The following TMOD1 variants were observed in gnomAD, a reference collection of about 807,000 sequenced individuals.
TMOD1 encodes tropomodulin-1.
A neutral mutation model predicts 40.6 loss-of-function variants in TMOD1; 17 were observed. That is an observed-to-expected ratio of 0.42 (90% CI 0.29 to 0.63). The LOEUF (loss-of-function observed/expected upper bound fraction) is 0.63, where lower values mean the gene tolerates loss of function less well. Among genes scored for constraint, TMOD1 ranks in the 20% least tolerant of loss-of-function variants. The probability of loss-of-function intolerance (pLI) is 0.22; values close to 1 mark genes in which losing one functional copy is unlikely to be tolerated. For missense variants in TMOD1, 391 were observed against 447.6 expected, an observed-to-expected ratio of 0.87 and a Z score of 1.14; for synonymous variants, 181 against 175.0, an observed-to-expected ratio of 1.03 and a Z score of -0.27.
intron 8 of TMOD1, among the ~76,000 whole-genome samples, chr9:97,580,642 A>G (rs369644022): frequency 6.9e-6 from 1 of 145,914 alleles, no homozygotes; most frequent in African/African-American, 2.5e-5. Context: ...GGAGGGAAGG[A>G]AGGGAGGGAG....
rs924177403 is a variant in TMOD1, at chr9:97,513,844, T to C, written c.-48-10297T>C. 1 of 152,200 alleles carries C rather than the reference T, an allele frequency of 6.6e-6. No individual in the cohort carries two copies. Among genetic ancestry groups the C allele is most frequent in the South Asian group, 2.1e-4 (1 of 4,832 alleles). The allele number at this position is 152,200 out of a possible 1,614,324, so 9.4% of individuals were successfully genotyped here. ...TTCTGCCATTGCACAGTGGCCCTAG[T>C]GTCCTCGAGACCCCGGGACTAGAAA... On this transcript the variant is annotated intron_variant, in intron 1 of 9. Transcript: ENST00000259365. This position sits in a 1 kb window ranked among gnomAD's most constrained non-coding sequence, Gnocchi z 4.1.
At chr9:97,533,748 G>A (rs150760168) in intron 2 of TMOD1, among the ~76,000 whole-genome samples, 70 of 152,338 alleles carry the variant, frequency 4.6e-4, no homozygotes, top group African/African-American at 1.3e-3. Context: ...CCAGTGCCCC[G>A]TCTGTGGCCT....
chr9:97,530,104 G>A (rs1830076129), intron 2 of TMOD1, among the ~76,000 whole-genome samples: 1 of 152,196 alleles, frequency 6.6e-6, no homozygotes, highest in Non-Finnish European at 1.5e-5. Flanking sequence ...GAAACTCAGA[G>A]AGCAGATTGG....
chr9:97,506,607 G>A (rs916322264), intron 1 of TMOD1, among the ~76,000 whole-genome samples: 2 of 152,176 alleles, frequency 1.3e-5, no homozygotes, highest in African/African-American at 2.4e-5. Flanking sequence ...ATCATGATAC[G>A]TAGCTAGTGT....
chr9:97,569,065 C>A, intron 8 of TMOD1, 28 bp downstream of exon 8: 1 of 1,611,122 alleles, frequency 6.2e-7, no homozygotes, highest in South Asian at 1.1e-5. Context: ...CTCCTCAGGT[C>A]TGTTACTACA....
chr9:97,565,152 G>A (rs1441374846), intron 6 of TMOD1, among the ~76,000 whole-genome samples: 1 of 152,228 alleles, frequency 6.6e-6, no homozygotes, highest in East Asian at 1.9e-4. Flanking sequence ...GGCCACATGA[G>A]GGATGGAATC....
At chr9:97,559,794 A>ATATATATAT (rs1554683057) in intron 4 of TMOD1, among the ~76,000 whole-genome samples, 14 of 23,144 alleles carry the variant, frequency 6.0e-4, no homozygotes, top group Non-Finnish European at 9.2e-4. Flanking sequence ...AAAAAAAAAA[A>ATATATATAT]ATATATATAT....
intron 4 of TMOD1, chr9:97,555,339 C>T: frequency 1.7e-6 from 2 of 1,190,594 alleles, no homozygotes; most frequent in Non-Finnish European, 2.1e-6. Flanking sequence ...CTGTTTTTAC[C>T]CTGGACTTTC....
At chr9:97,543,475 C>T (rs1171930650) in intron 2 of TMOD1, among the ~76,000 whole-genome samples, 1 of 152,216 alleles carries the variant, frequency 6.6e-6, no homozygotes, top group Admixed American at 6.5e-5. Flanking sequence ...CTGTGCTGAG[C>T]ACATTTTCTG....
intron 9 of TMOD1, among the ~76,000 whole-genome samples, chr9:97,595,533 C>CTTTTTT (rs71487335): frequency 2.5e-5 from 3 of 121,666 alleles, no homozygotes; most frequent in Non-Finnish European, 3.4e-5. Context: ...AACAAATTTC[C>CTTTTTT]TTTTTTTTTT....
At position 97,559,424 on chromosome 9, in the gene TMOD1, T is replaced by C. The variant is rs1433674607; in HGVS notation, c.398-3308T>C. ...AGGACTTTGAGATCATCTCATCTTG[T>C]GGTTTTCGACTCTCACTCAGCAACA... On this transcript the variant is annotated intron_variant, in intron 4 of 9. Coordinates refer to ENST00000259365, the MANE Select transcript of TMOD1 (RefSeq NM_003275.4). 4.6e-5 allele frequency among the ~76,000 whole-genome samples: 7 copies of C among 151,678 alleles called. No homozygotes were observed. In the South Asian group the frequency reaches 8.4e-4, roughly 18 times the overall value.
At chr9:97,580,822 C>T (rs1825733909) in intron 8 of TMOD1, among the ~76,000 whole-genome samples, 1 of 152,026 alleles carries the variant, frequency 6.6e-6, no homozygotes, top group Non-Finnish European at 1.5e-5. Context: ...TTCCTTCTGC[C>T]TCCTTAACCC....
At chr9:97,563,581 T>G (rs933851589) in intron 5 of TMOD1, among the ~76,000 whole-genome samples, 5 of 152,148 alleles carry the variant, frequency 3.3e-5, no homozygotes, top group African/African-American at 1.2e-4. Context: ...CAATATTGCA[T>G]TGCCTTAATT....
intron 2 of TMOD1, among the ~76,000 whole-genome samples, chr9:97,541,497 A>ATTTTTAT (rs539361335): frequency 7.3e-5 from 11 of 150,828 alleles, no homozygotes; most frequent in Middle Eastern, 3.4e-3. Context: ...CCACTTGACC[A>ATTTTTAT]TTTTTATTTT....
chr9:97,534,937 A>G (rs945410358), intron 2 of TMOD1, among the ~76,000 whole-genome samples: 5 of 152,314 alleles, frequency 3.3e-5, no homozygotes, highest in African/African-American at 1.2e-4. Context: ...TCCAGGTGGA[A>G]GGCACAGCCT....
intron 1 of TMOD1, among the ~76,000 whole-genome samples, chr9:97,520,924 C>G (rs920182867): frequency 6.6e-6 from 1 of 152,206 alleles, no homozygotes; most frequent in African/African-American, 2.4e-5. Flanking sequence ...TTTCTTTCTC[C>G]CCTGCTCCCT....
rs940168392 is a variant in TMOD1 at position 97,557,283 on chromosome 9, G to A, written c.397+3883G>A. ...TTCTTGGCGCATAGCCTACAGGGTT[G>A]TAGGTCAGAGGCTGCTGGGAGTCAG... is the stretch of plus-strand genomic sequence containing the variant. On this transcript the variant is annotated intron_variant, in intron 4 of 9. Coordinates refer to ENST00000259365, the MANE Select transcript of TMOD1 (RefSeq NM_003275.4). The surrounding 1 kb of genome is among the most constrained non-coding windows in gnomAD (Gnocchi z 4.4). 6.6e-5 allele frequency among the ~76,000 whole-genome samples: 10 copies of A among 152,328 alleles called. No homozygotes were observed. The highest frequency in any genetic ancestry group is 1.2e-4 in the Non-Finnish European group (8 of 68,022).
At chr9:97,514,230 G>GTT (rs869250843) in intron 1 of TMOD1, among the ~76,000 whole-genome samples, 1 of 65,298 alleles carries the variant, frequency 1.5e-5, no homozygotes, top group Non-Finnish European at 3.5e-5. Flanking sequence ...CCTGGCTAAT[G>GTT]TTTTTTTTTT....
At chr9:97,568,442 C>A (rs1290507650) in intron 7 of TMOD1, among the ~76,000 whole-genome samples, 2 of 152,172 alleles carry the variant, frequency 1.3e-5, no homozygotes, top group Admixed American at 6.5e-5. Context: ...CTACAGCTAG[C>A]TGGGGAATGT....
Sources: allele counts gnomAD v4.1 joint callset (sites outside exome capture counted in the v4.1 genomes callset), GRCh38; gene constraint gnomAD v4.1.1; non-coding constraint Gnocchi (gnomAD v3.1); transcripts MANE v1.5; gene names NCBI Gene and HGNC (gene_info 2026-07-23, HGNC 2026-07-21).